Variants in PARD3B observed in about 807,000 individuals in gnomAD.
PARD3B encodes par-3 family cell polarity regulator beta.
In PARD3B, 103 loss-of-function variants were observed where a neutral mutation model predicts 130.2. The ratio of observed to expected loss-of-function variants is 0.79; its 90% CI spans 0.67 to 0.93. PARD3B has a LOEUF of 0.93. Ranked by LOEUF, PARD3B falls within the 40% of genes least tolerant of loss-of-function variation. The pLI, the probability that PARD3B is intolerant of heterozygous loss-of-function variation, is 0.00. For synonymous variants in PARD3B, 583 were observed against 553.2 expected, an observed-to-expected ratio of 1.05 and a Z score of -0.76; for missense variants, 1,609 against 1,499.2, an observed-to-expected ratio of 1.07 and a Z score of -1.21.
At chr2:204,608,078 C>T (rs962845547) in intron 1 of PARD3B, among the ~76,000 whole-genome samples, 6 of 152,042 alleles carry the variant, frequency 3.9e-5, no homozygotes, top group Non-Finnish European at 7.4e-5. Flanking sequence ...GTTTGCAGCC[C>T]CAGCAGTTAG....
intron 1 of PARD3B, among the ~76,000 whole-genome samples, chr2:204,660,681 G>T (rs2035776944): frequency 6.6e-6 from 1 of 152,052 alleles, no homozygotes; most frequent in East Asian, 1.9e-4. Flanking sequence ...ATCCTTTAAA[G>T]AAGTTACTAC....
At chr2:204,889,341 A>G (rs2046369333) in intron 2 of PARD3B, among the ~76,000 whole-genome samples, 2 of 152,216 alleles carry the variant, frequency 1.3e-5, no homozygotes, top group Non-Finnish European at 1.5e-5. Flanking sequence ...ATGCCCTGTG[A>G]TAGATAAAGC....
chr2:205,322,470 T>C (rs1220349975), intron 18 of PARD3B, among the ~76,000 whole-genome samples: 1 of 152,154 alleles, frequency 6.6e-6, no homozygotes, highest in African/African-American at 2.4e-5. Context: ...AAGTCCCCAA[T>C]TCCCTGAACA....
At chr2:205,297,625 A>G (rs774547350) in intron 16 of PARD3B, among the ~76,000 whole-genome samples, 4 of 152,130 alleles carry the variant, frequency 2.6e-5, no homozygotes, top group Non-Finnish European at 5.9e-5. Flanking sequence ...CAGTCAGTTC[A>G]CTGTACCTGT....
chr2:204,710,423 G>A (rs898388782), intron 2 of PARD3B, among the ~76,000 whole-genome samples: 2 of 152,222 alleles, frequency 1.3e-5, no homozygotes, highest in African/African-American at 4.8e-5. Flanking sequence ...GCCCTGGGAG[G>A]AAATTGTTAG....
chr2:204,617,673 T>C (rs1406672932), intron 1 of PARD3B, among the ~76,000 whole-genome samples: 2 of 152,146 alleles, frequency 1.3e-5, no homozygotes, highest in Non-Finnish European at 2.9e-5. Context: ...AAGTAACCAG[T>C]GTAACACTCA....
Position 205,366,124 on chromosome 2 carries a change from T to G in PARD3B, c.2631-34889T>G, listed in dbSNP as rs910832146. ...TTCATCCATCCATCCATTATCCATA[T>G]TTATGTTGGCTAGAGCTCTGTGGGT... is the stretch of plus-strand genomic sequence containing the variant. On this transcript the variant is annotated intron_variant, in intron 18 of 22. Transcript: ENST00000406610. This position sits in a 1 kb window ranked among gnomAD's most constrained non-coding sequence, Gnocchi z 5.0. Among the ~76,000 whole-genome samples, 2 of 151,880 alleles carry G rather than the reference T, an allele frequency of 1.3e-5. No homozygotes were observed. Among genetic ancestry groups the G allele is most frequent in the Non-Finnish European group, 2.9e-5 (2 of 67,968 alleles).
intron 1 of PARD3B, among the ~76,000 whole-genome samples, chr2:204,564,189 T>A (rs966049889): frequency 3.3e-5 from 5 of 152,200 alleles, no homozygotes; most frequent in African/African-American, 9.6e-5. Flanking sequence ...TTGGAGCATG[T>A]GTCATGTCCC....
intron 2 of PARD3B, among the ~76,000 whole-genome samples, chr2:204,879,232 CCT>C (rs1439640565): frequency 6.6e-6 from 1 of 152,168 alleles, no homozygotes; most frequent in African/African-American, 2.4e-5. Flanking sequence ...CCCAAAGCCT[CCT>C]GTTTCACATC....
Position 204,907,792 on chromosome 2 carries a change from C to T in PARD3B, c.223-57360C>T, listed in dbSNP as rs892046372. On this transcript the variant is annotated intron_variant, in intron 2 of 22. Coordinates refer to ENST00000406610, the MANE Select transcript of PARD3B (RefSeq NM_001302769.2). This position sits in a 1 kb window ranked among gnomAD's most constrained non-coding sequence, Gnocchi z 5.7. Reference sequence around the variant, plus strand: ...TCTTGGCTCACTGCAACCTCCGCCTCCCAGGGTCAAGCAATTCCCCTGCCT... The same window carrying T: ...TCTTGGCTCACTGCAACCTCCGCCTTCCAGGGTCAAGCAATTCCCCTGCCT... Among the ~76,000 whole-genome samples, 36 of 151,432 alleles carry T rather than the reference C, an allele frequency of 2.4e-4. No individual in the cohort carries two copies. The highest frequency in any genetic ancestry group is 5.2e-4 in the Admixed American group (8 of 15,248).
rs1329086926 is a variant in PARD3B, at chr2:205,564,099, G to T, written c.3260+10696G>T. 3.3e-5 allele frequency among the ~76,000 whole-genome samples: 5 copies of T among 152,226 alleles called. No individual in the cohort carries two copies. The highest frequency in any genetic ancestry group is 5.9e-5 in the Non-Finnish European group (4 of 68,042). On this transcript the variant is annotated intron_variant, in intron 22 of 22. Coordinates refer to ENST00000406610, the MANE Select transcript of PARD3B (RefSeq NM_001302769.2). The surrounding 1 kb of genome is among the most constrained non-coding windows in gnomAD (Gnocchi z 4.6). ...CTGAGACTGGGAGATGCAAACAGGT[G>T]TGGCTAAGATTGCACACAGAACTAG... is the stretch of plus-strand genomic sequence containing the variant.
chr2:205,290,962 C>T (rs1424423419), intron 16 of PARD3B, among the ~76,000 whole-genome samples: 1 of 152,154 alleles, frequency 6.6e-6, no homozygotes, highest in Non-Finnish European at 1.5e-5. Context: ...TTGCACTTCC[C>T]AGCCTCCAGA....
chr2:205,419,458 C>T (rs2046891088), intron 19 of PARD3B, among the ~76,000 whole-genome samples: 1 of 152,010 alleles, frequency 6.6e-6, no homozygotes, highest in African/African-American at 2.4e-5. Context: ...ATACAAGCAC[C>T]ATAGTAAAAA....
In PARD3B at chr2:205,407,046, T is replaced by A. The variant is rs549869908; in HGVS notation, c.2741+5923T>A. Among the ~76,000 whole-genome samples, 21 of 152,308 alleles carry A rather than the reference T, an allele frequency of 1.4e-4. No individual in the cohort carries two copies. The South Asian group carries it at 4.3e-3, about 32-fold the overall frequency. On this transcript the variant is annotated intron_variant, in intron 19 of 22. Coordinates refer to ENST00000406610, the MANE Select transcript of PARD3B (RefSeq NM_001302769.2). This position sits in a 1 kb window ranked among gnomAD's most constrained non-coding sequence, Gnocchi z 4.1. ...TTCAGATATTCCAGTATGAGAAATA[T>A]CTAAATATCTTAAGTATGGAAGCAT...
intron 1 of PARD3B, among the ~76,000 whole-genome samples, chr2:204,630,823 A>G (rs376819199): frequency 1.3e-5 from 2 of 151,986 alleles, no homozygotes; most frequent in African/African-American, 4.8e-5. Flanking sequence ...CCCACTTATC[A>G]TTTCTGATTG....
rs867443740 is a variant in PARD3B, at chr2:205,575,170, A to G, written c.3260+21767A>G. ...TGTAAGGTATATATATATTATACAC[A>G]CACATATATATCATATATATACAAT... On this transcript the variant is annotated intron_variant, in intron 22 of 22. Coordinates refer to ENST00000406610, the MANE Select transcript of PARD3B (RefSeq NM_001302769.2). This position sits in a 1 kb window ranked among gnomAD's most constrained non-coding sequence, Gnocchi z 4.6. Among the ~76,000 whole-genome samples, 1 of 151,994 alleles carries G rather than the reference A, an allele frequency of 6.6e-6. No homozygotes were observed. Among genetic ancestry groups the G allele is most frequent in the Admixed American group, 6.6e-5 (1 of 15,212 alleles).
intron 21 of PARD3B, among the ~76,000 whole-genome samples, chr2:205,514,752 G>T (rs536407967): frequency 1.3e-5 from 2 of 151,348 alleles, no homozygotes; most frequent in South Asian, 4.2e-4. Context: ...CATACTCCAG[G>T]CTTTCTTTAT....
Position 204,750,984 on chromosome 2 carries a change from T to C in PARD3B, c.222+64702T>C, listed in dbSNP as rs553246453. Among the ~76,000 whole-genome samples the C allele has an allele frequency of 5.3e-5, 8 of 152,294 alleles. No homozygotes were observed. The South Asian group carries it at 1.7e-3, about 32-fold the overall frequency. ...CACAGCTTATACTATTTTTTGAAGGTTGAATTTTACATAAAAACAAGGTTA... is the reference window on the plus strand; with the variant it reads ...CACAGCTTATACTATTTTTTGAAGGCTGAATTTTACATAAAAACAAGGTTA... On this transcript the variant is annotated intron_variant, in intron 2 of 22. Transcript: ENST00000406610.
At position 204,970,195 on chromosome 2, in the gene PARD3B, C is replaced by CT; in HGVS notation, c.394+4877dup. Among the ~76,000 whole-genome samples the CT allele has an allele frequency of 2.6e-5, 4 of 152,226 alleles. No individual in the cohort carries two copies. The East Asian group carries it at 7.7e-4, about 29-fold the overall frequency. On this transcript the variant is annotated intron_variant, in intron 3 of 22. Transcript: ENST00000406610. The stretch of plus-strand genomic sequence containing the variant: ...TGACCACCTACTGTTCCATAAGAGG[C>CT]TTTTTGTGGCCATAGATCAAGGTTG...
Sources: gnomAD v4.1 joint callset for allele counts (sites outside exome capture counted in the v4.1 genomes callset) on GRCh38, gnomAD v4.1.1 for gene constraint, Gnocchi (gnomAD v3.1) non-coding constraint, MANE v1.5 for transcripts, NCBI Gene and HGNC (gene_info 2026-07-23, HGNC 2026-07-21) for gene names.